The following SV2C variants were observed in gnomAD, a reference collection of about 807,000 sequenced individuals.
SV2C encodes the protein synaptic vesicle glycoprotein 2C, also known as solute carrier family 22 member B3.
In SV2C, 49 loss-of-function variants were observed where a neutral mutation model predicts 79.7. That is an observed-to-expected ratio of 0.61 (90% CI 0.49 to 0.78). SV2C has a LOEUF of 0.78. SV2C is among the 30% of genes least tolerant of loss of function. The pLI, the probability that SV2C is intolerant of heterozygous loss-of-function variation, is 0.00. For missense variants in SV2C, 833 were observed against 912.9 expected, an observed-to-expected ratio of 0.91 and a Z score of 1.13; for synonymous variants, 334 against 333.2, an observed-to-expected ratio of 1.00 and a Z score of -0.03.
chr5:75,972,408 A>C, the SV2C span, among the ~76,000 whole-genome samples: 1 of 152,124 alleles, frequency 6.6e-6, no homozygotes, highest in Non-Finnish European at 1.5e-5. Context: ...AAATGGGAGA[A>C]CATTTTTGCA....
intron 2 of SV2C, among the ~76,000 whole-genome samples, chr5:76,186,366 T>C (rs1299222635): frequency 6.6e-6 from 1 of 152,188 alleles, no homozygotes; most frequent in Non-Finnish European, 1.5e-5. Flanking sequence ...CACACTGCTA[T>C]GAAAAAATAC....
At position 76,331,157 on chromosome 5, in the gene SV2C, C is replaced by T. The variant is rs973098996; in HGVS notation, c.*5610C>T. 6.6e-6 allele frequency: 1 copy of T among 152,294 alleles called. No individual in the cohort carries two copies. The allele number at this position is 152,294 out of a possible 1,614,324, so 9.4% of individuals were successfully genotyped here. A position where few individuals can be genotyped will look rare whatever the true frequency, so the allele number is the denominator to read the frequency against. ...ACAGGCATGAGCCACTACACCTGGCCTAAAGTCCCGCTTTCTTCTGAGGTG... is the reference window on the plus strand; with the variant it reads ...ACAGGCATGAGCCACTACACCTGGCTTAAAGTCCCGCTTTCTTCTGAGGTG... On this transcript the variant is annotated 3_prime_UTR_variant, in exon 13 of 13. Transcript: ENST00000502798.
intron 2 of SV2C, chr5:76,173,983 C>T (rs1412460273): frequency 4.5e-6 from 7 of 1,551,878 alleles, no homozygotes; most frequent in Non-Finnish European, 6.2e-6. Flanking sequence ...ATAAATCCCT[C>T]ATTGCTGTAA....
At chr5:76,223,469 ATATATATATATATATATATATATATATG>A (rs1433341996) in intron 4 of SV2C, among the ~76,000 whole-genome samples, 3,336 of 75,266 alleles carry the variant, frequency 0.044, 198 homozygotes, top group African/African-American at 0.16. Flanking sequence ...ATATATATAT[ATATATATATATATATATATATATATATG>A]TATATGTATA....
rs376844588 is a variant in SV2C, at chr5:76,173,925, G to A, written c.581-20994G>A. 2.5e-6 allele frequency: 4 copies of A among 1,584,244 alleles called. No homozygotes were observed. The African/African-American group carries it at 4.0e-5, about 16-fold the overall frequency. ...TCTTGTAAATCGTTAAATGTGGACT[G>A]TGCTGTGATGGAATAAACTAATGCA... On this transcript the variant is annotated intron_variant, in intron 2 of 12. Transcript: ENST00000502798.
the SV2C span, among the ~76,000 whole-genome samples, chr5:76,059,487 C>CTTTTTTT: frequency 3.4e-5 from 5 of 149,118 alleles, no homozygotes; most frequent in Non-Finnish European, 6.0e-5. Context: ...TGAAGAAATC[C>CTTTTTTT]TTTTTTTTTT....
At chr5:76,085,835 A>G (rs1213039528) in intron 1 of SV2C, among the ~76,000 whole-genome samples, 2 of 151,150 alleles carry the variant, frequency 1.3e-5, no homozygotes, top group Non-Finnish European at 2.9e-5. Context: ...CTACACACAC[A>G]CACACACACA....
At chr5:75,913,862 T>A in the SV2C span, among the ~76,000 whole-genome samples, 2,370 of 152,306 alleles carry the variant, frequency 0.016, 58 homozygotes, top group African/African-American at 0.052. Context: ...TAAGCTATAT[T>A]TCAGCCTTTG....
At chr5:76,166,767 C>T (rs1743058960) in intron 2 of SV2C, among the ~76,000 whole-genome samples, 1 of 152,208 alleles carries the variant, frequency 6.6e-6, no homozygotes, top group Non-Finnish European at 1.5e-5. Flanking sequence ...CACCAGAACC[C>T]TTCTTTAGGC....
the SV2C span, among the ~76,000 whole-genome samples, chr5:75,975,271 A>T: frequency 6.6e-6 from 1 of 152,122 alleles, no homozygotes; most frequent in Non-Finnish European, 1.5e-5. Flanking sequence ...ATTTGTATGT[A>T]TTTTTATGGT....
rs543072630 is a variant in SV2C at position 76,122,574 on chromosome 5, C to T, written c.-101-9076C>T. Among the ~76,000 whole-genome samples the T allele has an allele frequency of 5.3e-5, 8 of 152,088 alleles. No homozygotes were observed. The South Asian group carries it at 1.7e-3, about 32-fold the overall frequency. On this transcript the variant is annotated intron_variant, in intron 1 of 12. Coordinates refer to ENST00000502798, the MANE Select transcript of SV2C (RefSeq NM_014979.4). ...ATACCTAATTTATAAGAAACTCACT[C>T]AAAACTGCTCAACTACATGGAAACT... is the stretch of plus-strand genomic sequence containing the variant.
At chr5:76,191,726 T>C (rs968126022) in intron 2 of SV2C, among the ~76,000 whole-genome samples, 3 of 152,206 alleles carry the variant, frequency 2.0e-5, no homozygotes, top group African/African-American at 7.2e-5. Context: ...ACTTGAGGCC[T>C]TTGTGTCATC....
chr5:76,347,729 A>G (rs1749570124), intron 12 of SV2C, among the ~76,000 whole-genome samples: 1 of 152,156 alleles, frequency 6.6e-6, no homozygotes, highest in Admixed American at 6.6e-5. Context: ...AGCGTGAGCC[A>G]CCCGTGCCCG....
chr5:76,052,923 G>A, the SV2C span, among the ~76,000 whole-genome samples: 5 of 150,784 alleles, frequency 3.3e-5, no homozygotes, highest in Non-Finnish European at 7.4e-5. Flanking sequence ...TTAGTATTAT[G>A]TTAACATTCA....
chr5:76,291,319 C>T lies in SV2C; in HGVS notation c.1236C>T (p.Thr412=), dbSNP rs2972842. The T allele has an allele frequency of 4.0e-5, 64 of 1,605,084 alleles. No individual in the cohort carries two copies. The East Asian group carries it at 1.1e-3, about 27-fold the overall frequency. ...GGAGGTGTTTTGTTCGGATCCGCAC[C>T]GAGCTGTACGGAGTAAGTAACAAGT... The part of the protein sequence containing the change: ...WYRRCFVRIR[T]ELYGIWLTFM... Residue 412 remains threonine (T), a synonymous_variant, in exon 7 of 13, where the codon ACC becomes ACT. Coordinates refer to ENST00000502798, the MANE Select transcript of SV2C (RefSeq NM_014979.4).
the SV2C span, among the ~76,000 whole-genome samples, chr5:75,989,355 C>T: frequency 7.9e-5 from 12 of 151,978 alleles, no homozygotes; most frequent in African/African-American, 2.9e-4. Flanking sequence ...CATCCTTCAG[C>T]TCCCACTTAT....
rs1339563176 is a variant in SV2C, at chr5:76,131,731, T to C, written c.-20T>C. 6.4e-7 allele frequency: 1 copy of C among 1,560,082 alleles called. No individual in the cohort carries two copies. Among genetic ancestry groups the C allele is most frequent in the South Asian group, 1.2e-5 (1 of 83,214 alleles). ...CTGTGAAAATTTCCCATCTTCTCAT[T>C]GGCCATCAGTTGAGATAAGATGGAA... is the stretch of plus-strand genomic sequence containing the variant. On this transcript the variant is annotated 5_prime_UTR_variant, in exon 2 of 13. Transcript: ENST00000502798.
chr5:75,996,109 T>G, the SV2C span, among the ~76,000 whole-genome samples: 12 of 152,200 alleles, frequency 7.9e-5, no homozygotes, highest in Non-Finnish European at 1.3e-4. Flanking sequence ...AGGGTTTTTA[T>G]GGTTTTAGGT....
At chr5:76,197,207 T>G (rs1304748229) in intron 3 of SV2C, among the ~76,000 whole-genome samples, 1 of 152,172 alleles carries the variant, frequency 6.6e-6, no homozygotes, top group African/African-American at 2.4e-5. Context: ...AAGTACAAGG[T>G]AGAGAAGATA....
Sources: allele counts gnomAD v4.1 joint callset (sites outside exome capture counted in the v4.1 genomes callset), GRCh38; gene constraint gnomAD v4.1.1; transcripts MANE v1.5; gene names NCBI Gene and HGNC (gene_info 2026-07-23, HGNC 2026-07-21).